The following KCNMB2 variants were observed in gnomAD, a reference collection of about 807,000 sequenced individuals.
KCNMB2 encodes calcium-activated potassium channel subunit beta-2.
KCNMB2 carries 9 observed loss-of-function variants against 24.5 expected under a neutral mutation model. The ratio of observed to expected loss-of-function variants is 0.37; its 90% CI spans 0.22 to 0.64. The LOEUF (loss-of-function observed/expected upper bound fraction) is 0.64. Among genes scored for constraint, KCNMB2 ranks in the 30% least tolerant of loss-of-function variants. KCNMB2 has a pLI of 0.63. For missense variants in KCNMB2, 226 were observed against 284.3 expected, an observed-to-expected ratio of 0.79 and a Z score of 1.47; for synonymous variants, 109 against 104.4, an observed-to-expected ratio of 1.04 and a Z score of -0.27.
chr3:178,685,229 A>G (rs1286600820), intron 1 of KCNMB2, among the ~76,000 whole-genome samples: 1 of 152,242 alleles, frequency 6.6e-6, no homozygotes, highest in Non-Finnish European at 1.5e-5. Context: ...AGGCTCTGCC[A>G]TTAGGTTTCC....
chr3:178,643,289 T>A (rs1170763593), intron 1 of KCNMB2, among the ~76,000 whole-genome samples: 1 of 152,142 alleles, frequency 6.6e-6, no homozygotes, highest in African/African-American at 2.4e-5. Context: ...ACTATAAAGA[T>A]GTCAGTCACA....
chr3:178,618,035 AT>A (rs1469359806), intron 1 of KCNMB2, among the ~76,000 whole-genome samples: 1 of 152,096 alleles, frequency 6.6e-6, no homozygotes, highest in Non-Finnish European at 1.5e-5. Context: ...ACTTAGAATC[AT>A]TTTTATAGAT....
At chr3:178,819,052 C>T (rs1714519801) in intron 2 of KCNMB2, among the ~76,000 whole-genome samples, 1 of 152,204 alleles carries the variant, frequency 6.6e-6, no homozygotes, top group South Asian at 2.1e-4. Context: ...CACCTTTGAG[C>T]TTGTAAATCA....
At chr3:178,542,406 T>C (rs555272654) in intron 1 of KCNMB2, among the ~76,000 whole-genome samples, 1 of 152,296 alleles carries the variant, frequency 6.6e-6, no homozygotes, top group Non-Finnish European at 1.5e-5. Flanking sequence ...GTAATAGTTA[T>C]CTCATTACTA....
chr3:178,714,677 T>C (rs1722562048), intron 1 of KCNMB2, among the ~76,000 whole-genome samples: 2 of 152,230 alleles, frequency 1.3e-5, no homozygotes, highest in South Asian at 4.1e-4. Flanking sequence ...ATGAAAGCAC[T>C]TGAACTTGTT....
chr3:178,730,731 C>G (rs971026429), intron 1 of KCNMB2, among the ~76,000 whole-genome samples: 1 of 152,100 alleles, frequency 6.6e-6, no homozygotes, highest in Non-Finnish European at 1.5e-5. Flanking sequence ...TCATTCTGAT[C>G]TTTAAATAAG....
At chr3:178,789,436 A>T (rs879585491) in intron 1 of KCNMB2, among the ~76,000 whole-genome samples, 1 of 152,208 alleles carries the variant, frequency 6.6e-6, no homozygotes, top group Non-Finnish European at 1.5e-5. Context: ...ACACCTTCAT[A>T]AGAAGCAAAA....
At chr3:178,690,047 T>C (rs1560168137) in intron 1 of KCNMB2, among the ~76,000 whole-genome samples, 1 of 152,204 alleles carries the variant, frequency 6.6e-6, no homozygotes, top group African/African-American at 2.4e-5. Context: ...TTTTATATAA[T>C]AAAAATCTGT....
At chr3:178,555,842 A>C (rs1456205367) in intron 1 of KCNMB2, among the ~76,000 whole-genome samples, 1 of 152,244 alleles carries the variant, frequency 6.6e-6, no homozygotes, top group African/African-American at 2.4e-5. Context: ...CTGTTATACT[A>C]GACTCACAAA....
At chr3:178,806,185 G>A (rs997210670) in intron 1 of KCNMB2, among the ~76,000 whole-genome samples, 5 of 152,172 alleles carry the variant, frequency 3.3e-5, no homozygotes, top group Non-Finnish European at 7.4e-5. Context: ...TGGAAGGCAA[G>A]TAGATACTGG....
At chr3:178,714,195 T>C (rs1350569356) in intron 1 of KCNMB2, among the ~76,000 whole-genome samples, 1 of 152,202 alleles carries the variant, frequency 6.6e-6, no homozygotes, top group Non-Finnish European at 1.5e-5. Flanking sequence ...TCAGTGCTTC[T>C]GGACTTACCA....
chr3:178,798,932 G>T (rs189184683), intron 1 of KCNMB2, among the ~76,000 whole-genome samples: 3 of 151,620 alleles, frequency 2.0e-5, no homozygotes, highest in Admixed American at 2.0e-4. Context: ...TGTGATGTTG[G>T]TCACTGACTC....
intron 1 of KCNMB2, among the ~76,000 whole-genome samples, chr3:178,681,105 T>G (rs1259275851): frequency 6.6e-6 from 1 of 152,114 alleles, no homozygotes; most frequent in East Asian, 1.9e-4. Flanking sequence ...CTGAAAAATT[T>G]TAACAGATAT....
intron 1 of KCNMB2, among the ~76,000 whole-genome samples, chr3:178,703,969 G>A (rs1453532113): frequency 6.6e-6 from 1 of 152,248 alleles, no homozygotes; most frequent in Non-Finnish European, 1.5e-5. Context: ...CAGGTCTGTG[G>A]TGAATCTCTC....
intron 1 of KCNMB2, among the ~76,000 whole-genome samples, chr3:178,744,835 G>A (rs1007606354): frequency 6.6e-6 from 1 of 152,084 alleles, no homozygotes; most frequent in Non-Finnish European, 1.5e-5. Context: ...CCACTTCTAG[G>A]GCTCAGCTAC....
At chr3:178,568,650 CA>C (rs1365902855) in intron 1 of KCNMB2, among the ~76,000 whole-genome samples, 1 of 150,894 alleles carries the variant, frequency 6.6e-6, no homozygotes, top group African/African-American at 2.4e-5. Context: ...TCATAACCAG[CA>C]CTTTTCCAGT....
At chr3:178,622,369 A>G (rs35320915) in intron 1 of KCNMB2, among the ~76,000 whole-genome samples, 54,970 of 152,106 alleles carry the variant, frequency 0.36, 10,565 homozygotes, top group African/African-American at 0.5. Flanking sequence ...GCACATTAAA[A>G]TGTATGGTGC....
At chr3:178,537,836 T>A (rs761124310) in intron 1 of KCNMB2, among the ~76,000 whole-genome samples, 1 of 152,222 alleles carries the variant, frequency 6.6e-6, no homozygotes, top group Non-Finnish European at 1.5e-5. Flanking sequence ...GATGTTGCTT[T>A]ATATTCTGAA....
chr3:178,635,408 TACACACACACAC>T (rs58294929), intron 1 of KCNMB2, among the ~76,000 whole-genome samples: 10 of 144,962 alleles, frequency 6.9e-5, no homozygotes, highest in Admixed American at 2.8e-4. Flanking sequence ...TGCTTATGCA[TACACACACACAC>T]ACACACACAC....
Sources: gnomAD v4.1 joint callset for allele counts (sites outside exome capture counted in the v4.1 genomes callset) on GRCh38, gnomAD v4.1.1 for gene constraint, MANE v1.5 for transcripts, NCBI Gene and HGNC (gene_info 2026-07-23, HGNC 2026-07-21) for gene names.